MCTP1: variants seen among roughly 807,000 people sequenced by gnomAD.
MCTP1 encodes the protein multiple C2 and transmembrane domain-containing protein 1.
In MCTP1, 69 loss-of-function variants were observed where a neutral mutation model predicts 120.6. That is an observed-to-expected ratio of 0.57 (90% CI 0.47 to 0.70). The LOEUF is 0.70. MCTP1 is among the 30% of genes least tolerant of loss of function. MCTP1 has a pLI of 0.00. For missense variants in MCTP1, 1,203 were observed against 1,248.8 expected (o/e 0.96, Z 0.55); for synonymous variants, 529 against 493.1 (o/e 1.07, Z -0.96).
chr5:94,995,059 ATTGTGGGACTTCACC>A (rs1832346224), intron 2 of MCTP1, among the ~76,000 whole-genome samples: 1 of 152,134 alleles, frequency 6.6e-6, no homozygotes, highest in Non-Finnish European at 1.5e-5. Context: ...CAGACGGCCT[ATTGTGGGACTTCACC>A]TTGTGATTGT....
intron 1 of MCTP1, among the ~76,000 whole-genome samples, chr5:95,064,189 C>A (rs373955693): frequency 6.6e-6 from 1 of 152,224 alleles, no homozygotes; most frequent in African/African-American, 2.4e-5. Flanking sequence ...AATTGATAAT[C>A]AAGCACAACT....
At chr5:94,897,888 T>G (rs1162064589) in intron 10 of MCTP1, among the ~76,000 whole-genome samples, 3 of 152,178 alleles carry the variant, frequency 2.0e-5, no homozygotes, top group Non-Finnish European at 4.4e-5. Flanking sequence ...TGGACTTATT[T>G]TTAACAGAAA....
At chr5:94,842,178 T>C (rs1211053956) in intron 17 of MCTP1, among the ~76,000 whole-genome samples, 1 of 152,168 alleles carries the variant, frequency 6.6e-6, no homozygotes, top group Non-Finnish European at 1.5e-5. Flanking sequence ...TTTGTGTAAA[T>C]GTGAGAGGAA....
At chr5:95,018,113 T>C (rs1192172806) in intron 1 of MCTP1, among the ~76,000 whole-genome samples, 1 of 152,108 alleles carries the variant, frequency 6.6e-6, no homozygotes, top group African/African-American at 2.4e-5. Context: ...CTAAAAATGT[T>C]TGTGAGCCTG....
Position 95,284,693 on chromosome 5 carries a change from G to T in MCTP1, c.-118C>A, listed in dbSNP as rs1760617621. On this transcript the variant is annotated 5_prime_UTR_variant, in exon 1 of 23. Coordinates refer to ENST00000515393, the MANE Select transcript of MCTP1 (RefSeq NM_024717.7). The surrounding 1 kb of genome is among the most constrained non-coding windows in gnomAD (Gnocchi z 5.2). The stretch of plus-strand genomic sequence containing the variant: ...GGCGCTGGCGGTGGCGGCGGCGGCG[G>T]CGGCGGGCGCAGCAGCAGAAACCGG... 3.4e-6 allele frequency: 3 copies of T among 880,188 alleles called. No homozygotes were observed. Among genetic ancestry groups the T allele is most frequent in the Non-Finnish European group, 4.8e-6 (3 of 625,752 alleles). 54.5% of individuals were successfully genotyped at this position (880,188 alleles called of 1,614,324 possible).
At chr5:95,169,088 T>C (rs565571640) in intron 1 of MCTP1, among the ~76,000 whole-genome samples, 2 of 152,304 alleles carry the variant, frequency 1.3e-5, no homozygotes, top group Non-Finnish European at 2.9e-5. Context: ...ACCTAATTTA[T>C]TGAGTTTTTA....
At chr5:95,201,463 GGTTTTTTTTTTTTT>G (rs1751014644) in intron 1 of MCTP1, among the ~76,000 whole-genome samples, 1 of 120,682 alleles carries the variant, frequency 8.3e-6, no homozygotes, top group Non-Finnish European at 1.8e-5. Flanking sequence ...AAGGAAAAGT[GGTTTTTTTTTTTTT>G]TTTTTTTTTT....
intron 1 of MCTP1, among the ~76,000 whole-genome samples, chr5:95,278,253 C>A (rs1238185937): frequency 6.6e-6 from 1 of 152,070 alleles, no homozygotes; most frequent in East Asian, 1.9e-4. Flanking sequence ...ATTAAAATGG[C>A]ACATAAAGTT....
In MCTP1 at chr5:95,115,440, AT is replaced by A. The variant is rs1230675838; in HGVS notation, c.721-97957del. 4.6e-5 allele frequency among the ~76,000 whole-genome samples: 7 copies of A among 152,116 alleles called. No homozygotes were observed. In the East Asian group the frequency reaches 1.4e-3, roughly 29 times the overall value. On this transcript the variant is annotated intron_variant, in intron 1 of 22. Transcript: ENST00000515393. ...TAAACTGAACAAAGAGATTAAAATA[AT>A]TTAAAAGAATCAAGCAGAATTTCTG...
At chr5:95,067,480 C>A (rs1750975560) in intron 1 of MCTP1, among the ~76,000 whole-genome samples, 1 of 152,018 alleles carries the variant, frequency 6.6e-6, no homozygotes, top group South Asian at 2.1e-4. Context: ...TGGCATTATT[C>A]ATAGATTGTC....
At chr5:94,957,059 G>T (rs1049683235) in intron 2 of MCTP1, among the ~76,000 whole-genome samples, 3 of 152,216 alleles carry the variant, frequency 2.0e-5, no homozygotes, top group African/African-American at 7.2e-5. Flanking sequence ...CAGACTAACA[G>T]CAGATCTCTC....
intron 1 of MCTP1, among the ~76,000 whole-genome samples, chr5:95,234,382 T>C (rs1755305777): frequency 6.6e-6 from 1 of 152,324 alleles, no homozygotes; most frequent in South Asian, 2.1e-4. Flanking sequence ...TTGTTTACAT[T>C]GAGAAGCTTA....
intron 17 of MCTP1, among the ~76,000 whole-genome samples, chr5:94,828,773 A>C (rs1787821566): frequency 6.6e-6 from 1 of 152,176 alleles, no homozygotes; most frequent in African/African-American, 2.4e-5. Context: ...CTCAAGCCTC[A>C]GCAATGGCGG....
At chr5:94,872,746 C>G (rs759414821) in intron 13 of MCTP1, among the ~76,000 whole-genome samples, 3 of 152,006 alleles carry the variant, frequency 2.0e-5, no homozygotes, top group Non-Finnish European at 2.9e-5. Context: ...CTGCCGAATT[C>G]GAGACTGGAT....
At position 95,283,887 on chromosome 5, in the gene MCTP1, G is replaced by C. The variant is rs898004772; in HGVS notation, c.689C>G (p.Pro230Arg). 1 of 1,377,390 alleles carries C rather than the reference G, an allele frequency of 7.3e-7. No individual in the cohort carries two copies. Among genetic ancestry groups the C allele is most frequent in the Non-Finnish European group, 9.3e-7 (1 of 1,074,616 alleles). 85.3% of individuals were successfully genotyped at this position (1,377,390 alleles called of 1,614,324 possible). The change falls in exon 1 of 23, where the codon CCG (proline) becomes CGG (arginine). Residue 230 changes from proline (P) to arginine (R), a missense_variant. Around this residue, in one of 2 missense-constraint regions of MCTP1, gnomAD observed 463 missense variants for 377.8 expected, o/e 1.23. Coordinates refer to ENST00000515393, the MANE Select transcript of MCTP1 (RefSeq NM_024717.7). ...PARSPAESRA[P>R]ETGEEHGSSQ... ...GCTGCCGTGCTCCTCGCCCGTCTCC[G>C]GGGCCCGAGACTCCGCGGGACTCCG...
At chr5:94,843,414 A>T (rs1791580928) in intron 17 of MCTP1, among the ~76,000 whole-genome samples, 1 of 152,186 alleles carries the variant, frequency 6.6e-6, no homozygotes, top group Non-Finnish European at 1.5e-5. Flanking sequence ...GCCACAAGAA[A>T]GGGCATCAGA....
rs140600420 is a variant in MCTP1, at chr5:94,780,358, T to A, written c.2557-1195A>T. On this transcript the variant is annotated intron_variant, in intron 18 of 22. Coordinates refer to ENST00000515393, the MANE Select transcript of MCTP1 (RefSeq NM_024717.7). ...ATGAAAAGAGTTACATAAACTGAGA[T>A]AACATATCAGAACTCCGTTATTCCT... Among the ~76,000 whole-genome samples the A allele has an allele frequency of 4.1e-4, 62 of 152,206 alleles. 1 individual carries two copies. The highest frequency in any genetic ancestry group is 3.4e-3 in the Middle Eastern group (1 of 294).
intron 1 of MCTP1, among the ~76,000 whole-genome samples, chr5:95,060,940 C>CAAAAA (rs34418928): frequency 2.6e-5 from 3 of 116,994 alleles, no homozygotes; most frequent in Admixed American, 9.1e-5. Flanking sequence ...TGCCACTCCA[C>CAAAAA]AAAAAAAAAA....
chr5:94,967,554 A>G (rs888380284), intron 2 of MCTP1, among the ~76,000 whole-genome samples: 7 of 152,168 alleles, frequency 4.6e-5, no homozygotes, highest in Non-Finnish European at 7.3e-5. Context: ...TAAATATCCA[A>G]TGGCTTGAAG....
Sources: gnomAD v4.1 joint callset for allele counts (sites outside exome capture counted in the v4.1 genomes callset) on GRCh38, gnomAD v4.1.1 for gene constraint, gnomAD v4.1.1 regional missense constraint, Gnocchi (gnomAD v3.1) non-coding constraint, MANE v1.5 for transcripts, NCBI Gene and HGNC (gene_info 2026-07-23, HGNC 2026-07-21) for gene names.